ATP1A2: variants seen among roughly 807,000 people sequenced by gnomAD.
ATP1A2 encodes the protein sodium/potassium-transporting ATPase subunit alpha-2.
ATP1A2 carries 56 observed loss-of-function variants against 113.1 expected under a neutral mutation model. The observed-to-expected ratio is 0.49, with a 90% CI of 0.40 to 0.62. The LOEUF (loss-of-function observed/expected upper bound fraction) is 0.62. Ranked by LOEUF, ATP1A2 falls within the 20% of genes least tolerant of loss-of-function variation. ATP1A2 has a pLI of 0.00. For missense variants in ATP1A2, 712 were observed against 1,357.8 expected (o/e 0.52, Z 7.47); for synonymous variants, 490 against 526.8 (o/e 0.93, Z 0.96).
At chr1:160,127,284 T>C (rs1274579841) in intron 7 of ATP1A2, among the ~76,000 whole-genome samples, 1 of 152,242 alleles carries the variant, frequency 6.6e-6, no homozygotes, top group African/African-American at 2.4e-5. Flanking sequence ...ATTTATTGAA[T>C]CTTGTCTATT....
chr1:160,131,413 C>T (rs1258398392), intron 13 of ATP1A2, among the ~76,000 whole-genome samples: 1 of 152,150 alleles, frequency 6.6e-6, no homozygotes, highest in Non-Finnish European at 1.5e-5. Context: ...GGTACTTGAA[C>T]CAAGGCAGTC....
chr1:160,117,085 C>G (rs1651208948), intron 1 of ATP1A2, among the ~76,000 whole-genome samples: 1 of 152,096 alleles, frequency 6.6e-6, no homozygotes, highest in African/African-American at 2.4e-5. Flanking sequence ...AGCCTTCAAG[C>G]CTGCACAAGC....
intron 1 of ATP1A2, among the ~76,000 whole-genome samples, chr1:160,116,507 C>T (rs1014488999): frequency 9.7e-5 from 14 of 144,234 alleles, no homozygotes; most frequent in African/African-American, 3.4e-4. Flanking sequence ...AAGCCATGGG[C>T]TTTGAGGACT....
In ATP1A2 at chr1:160,136,173, C is replaced by T. The variant is rs1023490586; in HGVS notation, c.2440-74C>T. On this transcript the variant is annotated intron_variant, in intron 17 of 22. Coordinates refer to ENST00000361216, the MANE Select transcript of ATP1A2 (RefSeq NM_000702.4). Reference sequence around the variant, plus strand: ...TAACTGTGTCAACGATCGTCACTGTCGAAGATCAATTGCTTCTGTCATCTC... The same window carrying T: ...TAACTGTGTCAACGATCGTCACTGTTGAAGATCAATTGCTTCTGTCATCTC... 19 of 1,607,130 alleles carry T rather than the reference C, an allele frequency of 1.2e-5. No individual in the cohort carries two copies. The African/African-American group carries it at 1.2e-4, about 10-fold the overall frequency.
At position 160,134,659 on chromosome 1, in the gene ATP1A2, A is replaced by T. The variant is rs16831402; in HGVS notation, c.1964+39A>T. 21 of 1,613,886 alleles carry T rather than the reference A, an allele frequency of 1.3e-5. No homozygotes were observed. In the East Asian group the frequency reaches 4.7e-4, roughly 36 times the overall value. On this transcript the variant is annotated intron_variant, in intron 14 of 22. Transcript: ENST00000361216. Reference sequence around the variant, plus strand: ...AGGAAGCCCCTGTGCCCTAATCAACACGTCCTCTTGCACAGAAGGCTTGGG... The same window carrying T: ...AGGAAGCCCCTGTGCCCTAATCAACTCGTCCTCTTGCACAGAAGGCTTGGG...
At position 160,123,187 on chromosome 1, in the gene ATP1A2, C is replaced by A. The variant is rs1465349329; in HGVS notation, c.178-26C>A. ...GGCTGGGTTGGCTCCGGATGCGTGC[C>A]CCTACGCCTCTCCTTGCTCCCTCAG... On this transcript the variant is annotated intron_variant, in intron 3 of 22. Transcript: ENST00000361216. 3 of 1,613,486 alleles carry A rather than the reference C, an allele frequency of 1.9e-6. 1 individual carries two copies.
intron 1 of ATP1A2, among the ~76,000 whole-genome samples, chr1:160,120,262 T>A (rs1007680596): frequency 5.3e-5 from 8 of 152,028 alleles, no homozygotes; most frequent in Non-Finnish European, 1.2e-4. Context: ...ACACCCCATG[T>A]CTCCACTTCC....
At chr1:160,136,465 G>T in intron 18 of ATP1A2, 95 bp downstream of exon 18, 1 of 1,612,432 alleles carries the variant, frequency 6.2e-7, no homozygotes. Flanking sequence ...CAGGACAGAG[G>T]CCAGCTACCC....
Position 160,123,419 on chromosome 1 carries a change from G to A in ATP1A2, c.381+3G>A, listed in dbSNP as rs1651482706. ...AGGATGAACCATCCAACGACAATGT[G>A]AGCCCACACGCCCGACCCGGGAACA... On this transcript the variant is annotated splice_donor_region_variant and intron_variant, in intron 4 of 22. Transcript: ENST00000361216. 3.1e-6 allele frequency: 5 copies of A among 1,613,934 alleles called. No homozygotes were observed. Among genetic ancestry groups the A allele is most frequent in the Non-Finnish European group, 2.5e-6 (3 of 1,180,016 alleles).
intron 8 of ATP1A2, among the ~76,000 whole-genome samples, chr1:160,128,084 T>C (rs1284102144): frequency 6.6e-6 from 1 of 152,164 alleles, no homozygotes; most frequent in Non-Finnish European, 1.5e-5. Context: ...CTGGGTCTCA[T>C]TCCGTCCAAG....
intron 1 of ATP1A2, among the ~76,000 whole-genome samples, chr1:160,119,600 G>T (rs1035052174): frequency 2.0e-5 from 3 of 152,106 alleles, no homozygotes; most frequent in Middle Eastern, 3.2e-3. Flanking sequence ...CTCTTAGAAG[G>T]AAAGATTTCC....
intron 1 of ATP1A2, among the ~76,000 whole-genome samples, chr1:160,116,102 T>G (rs1453405216): frequency 6.6e-6 from 1 of 150,874 alleles, no homozygotes; most frequent in Non-Finnish European, 1.5e-5. Context: ...TGCCCACAGT[T>G]AGACCCACAG....
intron 7 of ATP1A2, 168 bp downstream of exon 7, chr1:160,125,421 T>G (rs971741454): frequency 6.1e-6 from 4 of 658,446 alleles, no homozygotes; most frequent in Non-Finnish European, 1.1e-5. Flanking sequence ...GAGCAGGGTA[T>G]TGACTGAGGG....
At chr1:160,115,934 G>C in intron 1 of ATP1A2, 61 bp downstream of exon 1, 1 of 1,577,744 alleles carries the variant, frequency 6.3e-7, no homozygotes, top group South Asian at 1.2e-5. Context: ...GCTGAGGAAG[G>C]ATGAAGTGGG....
intron 7 of ATP1A2, among the ~76,000 whole-genome samples, chr1:160,126,625 C>T (rs926596902): frequency 6.6e-6 from 1 of 152,026 alleles, no homozygotes; most frequent in Non-Finnish European, 1.5e-5. Flanking sequence ...CGTGATACCA[C>T]ACCCAGCTAA....
intron 1 of ATP1A2, among the ~76,000 whole-genome samples, chr1:160,118,624 G>T (rs898799453): frequency 1.2e-4 from 19 of 152,086 alleles, no homozygotes; most frequent in Non-Finnish European, 4.4e-5. Context: ...ATTCATAGAT[G>T]CTTCAGGTGG....
intron 8 of ATP1A2, 27 bp from the exon 9 acceptor site, chr1:160,128,625 T>A (rs769177090): frequency 3.1e-6 from 5 of 1,614,020 alleles, no homozygotes; most frequent in Non-Finnish European, 4.2e-6. Flanking sequence ...AGCCTTAACC[T>A]TTTTTATTCT....
chr1:160,122,420 G>GAAAAAA (rs112709297), intron 3 of ATP1A2, among the ~76,000 whole-genome samples: 10 of 137,038 alleles, frequency 7.3e-5, no homozygotes, highest in East Asian at 2.1e-4. Context: ...ATGAATGAAT[G>GAAAAAA]AAAAAAAAAA....
chr1:160,127,867 C>T (rs753753953), intron 8 of ATP1A2, 47 bp downstream of exon 8: 1 of 1,542,182 alleles, frequency 6.5e-7, no homozygotes, highest in Admixed American at 2.0e-5. Context: ...TCTCACTACT[C>T]TTTCCTCAGA....
Sources: gnomAD v4.1 joint callset for allele counts (sites outside exome capture counted in the v4.1 genomes callset) on GRCh38, gnomAD v4.1.1 for gene constraint, MANE v1.5 for transcripts, NCBI Gene and HGNC (gene_info 2026-07-23, HGNC 2026-07-21) for gene names.